Variants in MYT1L observed in about 807,000 individuals in gnomAD.
The protein encoded by MYT1L is myelin transcription factor 1-like protein.
MYT1L carries 12 observed loss-of-function variants against 126.7 expected under a neutral mutation model. The observed-to-expected ratio is 0.09, with a 90% confidence interval of 0.06 to 0.15. The LOEUF (loss-of-function observed/expected upper bound fraction) is 0.15, where lower values mean the gene tolerates loss of function less well. Ranked by LOEUF, MYT1L falls within the 10% of genes least tolerant of loss-of-function variation. The pLI, the probability that MYT1L is intolerant of heterozygous loss-of-function variation, is 1.00. For synonymous variants in MYT1L, 541 were observed against 604.2 expected, an observed-to-expected ratio of 0.90 and a Z score of 1.53; for missense variants, 979 against 1,585.2, an observed-to-expected ratio of 0.62 and a Z score of 6.49.
chr2:1,888,595 G>A (rs576550255), intron 16 of MYT1L, among the ~76,000 whole-genome samples: 7 of 152,044 alleles, frequency 4.6e-5, no homozygotes, highest in South Asian at 2.1e-4. Flanking sequence ...CTTTAAAGTC[G>A]GTACATAAAG....
intron 2 of MYT1L, among the ~76,000 whole-genome samples, chr2:2,257,576 G>A (rs527523912): frequency 1.4e-4 from 22 of 152,246 alleles, no homozygotes; most frequent in African/African-American, 3.1e-4. Context: ...GCACTGTATC[G>A]TCTATTTGAA....
intron 3 of MYT1L, among the ~76,000 whole-genome samples, chr2:2,151,347 T>C (rs898898520): frequency 2.0e-5 from 3 of 152,110 alleles, no homozygotes; most frequent in Non-Finnish European, 4.4e-5. Context: ...AGTAAGTACA[T>C]GCAGCTTACT....
intron 18 of MYT1L, among the ~76,000 whole-genome samples, chr2:1,857,123 C>G (rs2044015989): frequency 6.6e-6 from 1 of 151,882 alleles, no homozygotes; most frequent in Non-Finnish European, 1.5e-5. Context: ...AAGACCCAGC[C>G]AGTCATCAGG....
intron 4 of MYT1L, among the ~76,000 whole-genome samples, chr2:2,006,519 C>T (rs997573485): frequency 1.3e-5 from 2 of 152,204 alleles, no homozygotes; most frequent in East Asian, 3.9e-4. Flanking sequence ...ATCTCCCCAT[C>T]ACCCCCCACC....
Position 1,892,115 on chromosome 2 carries a change from G to A in MYT1L, c.2205C>T (p.Ala735=). ...GGCAGCGCGTGGACAGGTTGAGGAT[G>A]GCGGTGGCCGCCATGTGGGCCGCCT... is the stretch of plus-strand genomic sequence containing the variant. The part of the protein sequence containing the change: ...DMEAAHMAAT[A]ILNLSTRCRE... Residue 735 remains alanine, a synonymous_variant, in exon 15 of 25, where the codon GCC becomes GCT. Coordinates refer to ENST00000647738, the MANE Select transcript of MYT1L (RefSeq NM_001303052.2). The A allele has an allele frequency of 6.5e-7, 1 of 1,546,384 alleles. No individual in the cohort carries two copies. Among genetic ancestry groups the A allele is most frequent in the Non-Finnish European group, 8.7e-7 (1 of 1,146,620 alleles).
intron 3 of MYT1L, among the ~76,000 whole-genome samples, chr2:2,086,675 C>T (rs1414483541): frequency 2.6e-5 from 4 of 152,144 alleles, no homozygotes; most frequent in South Asian, 2.1e-4. Context: ...AAAGGAGCCC[C>T]GGTGACCGAA....
chr2:2,201,363 A>G (rs2093063933), intron 2 of MYT1L, among the ~76,000 whole-genome samples: 2 of 152,186 alleles, frequency 1.3e-5, no homozygotes, highest in South Asian at 2.1e-4. Context: ...TCAATTGTTC[A>G]ATAACCTTCT....
At chr2:1,914,461 C>T (rs530790501) in intron 11 of MYT1L, among the ~76,000 whole-genome samples, 3 of 152,196 alleles carry the variant, frequency 2.0e-5, no homozygotes, top group Non-Finnish European at 4.4e-5. Flanking sequence ...TTCATTCCTG[C>T]TTTATGCCTC....
chr2:2,160,161 A>G (rs981871305), intron 3 of MYT1L, among the ~76,000 whole-genome samples: 1 of 152,198 alleles, frequency 6.6e-6, no homozygotes, highest in Non-Finnish European at 1.5e-5. Context: ...ATTGCATGTT[A>G]GTTCTGACTT....
At position 1,823,637 on chromosome 2, in the gene MYT1L, G is replaced by A. The variant is rs116713216; in HGVS notation, c.3081-14470C>T. ...GCATGTTCAGCCCTGCAGGTGGGTC[G>A]TGCTCCTGGGAGGAGCAGCGATGAG... is the stretch of plus-strand genomic sequence containing the variant. On this transcript the variant is annotated intron_variant, in intron 21 of 24. Coordinates refer to ENST00000647738, the MANE Select transcript of MYT1L (RefSeq NM_001303052.2). 8.7e-3 allele frequency among the ~76,000 whole-genome samples: 1,302 copies of A among 150,142 alleles called. 17 individuals are homozygous for A. The highest frequency in any genetic ancestry group is 0.03 in the African/African-American group (1,232 of 41,232).
chr2:2,158,636 C>G (rs1389430168), intron 3 of MYT1L, among the ~76,000 whole-genome samples: 1 of 151,442 alleles, frequency 6.6e-6, no homozygotes, highest in African/African-American at 2.4e-5. Flanking sequence ...CACACACACA[C>G]ACACACACAC....
intron 2 of MYT1L, among the ~76,000 whole-genome samples, chr2:2,211,719 C>T (rs987679298): frequency 6.4e-4 from 97 of 150,518 alleles, no homozygotes; most frequent in African/African-American, 2.2e-3. Context: ...GCAGGAGAAT[C>T]GCTTGAACCC....
chr2:1,925,712 C>T (rs867466710), intron 9 of MYT1L, among the ~76,000 whole-genome samples: 1 of 152,162 alleles, frequency 6.6e-6, no homozygotes, highest in African/African-American at 2.4e-5. Context: ...CAGCTTTATA[C>T]TCTAATCACA....
In MYT1L at chr2:2,026,453, G is replaced by A. The variant is rs146271848; in HGVS notation, c.-158+27525C>T. Among the ~76,000 whole-genome samples the A allele has an allele frequency of 4.3e-3, 652 of 152,310 alleles. 4 individuals carry two copies. The highest frequency in any genetic ancestry group is 0.015 in the African/African-American group (621 of 41,564). On this transcript the variant is annotated intron_variant, in intron 4 of 24. Transcript: ENST00000647738. ...TTCTAGCAGGGGTGGCCCGGGCCGAGGGAGGCCCAACTGTTCCGCAGACAG... is the reference window on the plus strand; with the variant it reads ...TTCTAGCAGGGGTGGCCCGGGCCGAAGGAGGCCCAACTGTTCCGCAGACAG...
rs547726128 is a variant in MYT1L, at chr2:2,228,435, AT to A, written c.-420-55448del. 7.9e-5 allele frequency among the ~76,000 whole-genome samples: 12 copies of A among 152,340 alleles called. No individual in the cohort carries two copies. In the South Asian group the frequency reaches 2.5e-3, roughly 32 times the overall value. ...ATGAATGTCTTATCCAAAAGCAAAC[AT>A]TTTTTAATACTGTTATCTAATTAAA... is the stretch of plus-strand genomic sequence containing the variant. On this transcript the variant is annotated intron_variant, in intron 2 of 24. Transcript: ENST00000647738. This position sits in a 1 kb window ranked among gnomAD's most constrained non-coding sequence, Gnocchi z 5.9.
intron 2 of MYT1L, among the ~76,000 whole-genome samples, chr2:2,185,878 A>T (rs1418649884): frequency 0.011 from 602 of 56,406 alleles, 15 homozygotes; most frequent in African/African-American, 0.044. Flanking sequence ...CGCGTTCCTT[A>T]CGTGAGGGGG....
At chr2:1,836,785 C>A (rs1385267635) in intron 21 of MYT1L, among the ~76,000 whole-genome samples, 1 of 152,114 alleles carries the variant, frequency 6.6e-6, no homozygotes, top group African/African-American at 2.4e-5. Context: ...AGCCTGCACC[C>A]CAAGATCCCA....
intron 1 of MYT1L, among the ~76,000 whole-genome samples, chr2:2,328,933 C>G (rs1414024867): frequency 6.6e-6 from 1 of 152,204 alleles, no homozygotes; most frequent in Non-Finnish European, 1.5e-5. Context: ...ATGAAGGCTT[C>G]TCCTACTTCT....
At chr2:1,927,524 G>A (rs1004756120) in intron 9 of MYT1L, among the ~76,000 whole-genome samples, 2 of 151,886 alleles carry the variant, frequency 1.3e-5, no homozygotes, top group African/African-American at 2.4e-5. Flanking sequence ...ATACAGGCTT[G>A]GCTTCTTAGT....
Sources: gnomAD v4.1 joint callset for allele counts (sites outside exome capture counted in the v4.1 genomes callset) on GRCh38, gnomAD v4.1.1 for gene constraint, Gnocchi (gnomAD v3.1) non-coding constraint, MANE v1.5 for transcripts, NCBI Gene and HGNC (gene_info 2026-07-23, HGNC 2026-07-21) for gene names.